The following CACNA2D3 variants were observed in gnomAD, a reference collection of about 807,000 sequenced individuals.
CACNA2D3 encodes the protein voltage-dependent calcium channel subunit alpha-2/delta-3.
A neutral mutation model predicts 160.6 loss-of-function variants in CACNA2D3; 60 were observed. The observed-to-expected ratio is 0.37, with a 90% confidence interval of 0.30 to 0.46. CACNA2D3 has a LOEUF of 0.46. CACNA2D3 is among the 20% of genes least tolerant of loss of function. The pLI is 1.00. For missense variants in CACNA2D3, 1,205 were observed against 1,365.0 expected, an observed-to-expected ratio of 0.88 and a Z score of 1.85; for synonymous variants, 558 against 492.9, an observed-to-expected ratio of 1.13 and a Z score of -1.75.
intron 9 of CACNA2D3, among the ~76,000 whole-genome samples, chr3:54,601,523 T>G (rs1050039033): frequency 1.3e-5 from 2 of 152,090 alleles, no homozygotes; most frequent in Non-Finnish European, 2.9e-5. Context: ...TTTTTAAAAG[T>G]ATGATTCCTG....
chr3:55,005,113 T>C (rs1263766673), intron 32 of CACNA2D3, among the ~76,000 whole-genome samples: 1 of 151,800 alleles, frequency 6.6e-6, no homozygotes, highest in Non-Finnish European at 1.5e-5. Context: ...CTGTCTCTAC[T>C]AAAAATACAA....
chr3:54,916,186 G>A (rs1240370503), intron 27 of CACNA2D3, among the ~76,000 whole-genome samples: 1 of 152,156 alleles, frequency 6.6e-6, no homozygotes, highest in Non-Finnish European at 1.5e-5. Context: ...ACACAAGAAC[G>A]CCTTGCACTG....
chr3:54,472,798 A>G (rs1328062154), intron 4 of CACNA2D3, among the ~76,000 whole-genome samples: 1 of 152,222 alleles, frequency 6.6e-6, no homozygotes, highest in Non-Finnish European at 1.5e-5. Context: ...TGCTACAAAG[A>G]GAATAAAACA....
At chr3:54,857,329 C>T (rs1699194359) in intron 17 of CACNA2D3, among the ~76,000 whole-genome samples, 1 of 149,628 alleles carries the variant, frequency 6.7e-6, no homozygotes, top group Non-Finnish European at 1.5e-5. Flanking sequence ...CTCCACTCTG[C>T]TCTGACCATT....
intron 8 of CACNA2D3, among the ~76,000 whole-genome samples, chr3:54,571,595 C>T (rs1702497639): frequency 6.7e-6 from 1 of 148,882 alleles, no homozygotes; most frequent in South Asian, 2.1e-4. Context: ...TTCTTTGAGT[C>T]CTTGAGCACT....
chr3:54,130,257 G>A (rs1699682165), intron 2 of CACNA2D3, among the ~76,000 whole-genome samples: 1 of 152,212 alleles, frequency 6.6e-6, no homozygotes, highest in Non-Finnish European at 1.5e-5. Context: ...GCTCCATTCA[G>A]TCTAGGAGGC....
chr3:54,528,480 C>T (rs1318482077), intron 5 of CACNA2D3, among the ~76,000 whole-genome samples: 1 of 152,028 alleles, frequency 6.6e-6, no homozygotes, highest in Non-Finnish European at 1.5e-5. Flanking sequence ...GTCCTGGTTT[C>T]CTTTAGTATC....
At chr3:54,866,787 G>T (rs1204774328) in intron 17 of CACNA2D3, among the ~76,000 whole-genome samples, 3 of 152,228 alleles carry the variant, frequency 2.0e-5, no homozygotes, top group Non-Finnish European at 4.4e-5. Context: ...GGCCAGGAAG[G>T]CTCTGTGCTG....
intron 33 of CACNA2D3, among the ~76,000 whole-genome samples, chr3:55,008,332 C>G (rs190604820): frequency 6.6e-6 from 1 of 152,280 alleles, no homozygotes; most frequent in East Asian, 1.9e-4. Context: ...CTGGTTGCAT[C>G]TATGACTTAG....
intron 2 of CACNA2D3, among the ~76,000 whole-genome samples, chr3:54,285,680 C>A (rs878938121): frequency 6.6e-6 from 1 of 152,204 alleles, no homozygotes; most frequent in South Asian, 2.1e-4. Context: ...AGGCACCCCC[C>A]AGTAGGGGCA....
chr3:55,033,817 T>A lies in CACNA2D3; in HGVS notation c.2987+15500T>A, dbSNP rs1314146265. ...TATTTTATATAATATGTATTATATA[T>A]TAAATATATTTAATATATAATATAT... On this transcript the variant is annotated intron_variant, in intron 35 of 37. Transcript: ENST00000474759. Among the ~76,000 whole-genome samples, 840 of 99,938 alleles carry A rather than the reference T, an allele frequency of 8.4e-3. 62 individuals are homozygous for A. The highest frequency in any genetic ancestry group is 0.044 in the African/African-American group (804 of 18,412). 65.6% of individuals were successfully genotyped at this position (99,938 alleles called of 152,430 possible).
rs191622094 is a variant in CACNA2D3 at position 55,066,396 on chromosome 3, T to A, written c.2988-7049T>A. Reference sequence around the variant, plus strand: ...TAAGATTCTATCCTGACCAAATATTTTTCAAGCTACAGTTTTGTACCCATT... The same window carrying A: ...TAAGATTCTATCCTGACCAAATATTATTCAAGCTACAGTTTTGTACCCATT... On this transcript the variant is annotated intron_variant, in intron 35 of 37. Transcript: ENST00000474759. Among the ~76,000 whole-genome samples, 196 of 152,318 alleles carry A rather than the reference T, an allele frequency of 1.3e-3. 5 individuals carry two copies. The highest frequency in any genetic ancestry group is 0.013 in the Admixed American group (193 of 15,294).
intron 31 of CACNA2D3, among the ~76,000 whole-genome samples, chr3:54,993,957 G>T (rs1192585820): frequency 7.2e-6 from 1 of 139,708 alleles, no homozygotes; most frequent in African/African-American, 2.6e-5. Context: ...GGTTTTTGTT[G>T]TTTGTATTTC....
chr3:54,144,158 A>AT (rs1699983244), intron 2 of CACNA2D3, among the ~76,000 whole-genome samples: 1 of 152,130 alleles, frequency 6.6e-6, no homozygotes, highest in African/African-American at 2.4e-5. Flanking sequence ...GTTATTTTGC[A>AT]TTTTCTCCCA....
At chr3:54,780,004 A>G (rs530890743) in intron 13 of CACNA2D3, among the ~76,000 whole-genome samples, 16 of 152,328 alleles carry the variant, frequency 1.1e-4, no homozygotes, top group African/African-American at 3.6e-4. Context: ...GCTTGCTCTC[A>G]GTCCTACCAC....
chr3:54,142,754 G>A (rs976039015), intron 2 of CACNA2D3, among the ~76,000 whole-genome samples: 2 of 152,188 alleles, frequency 1.3e-5, no homozygotes, highest in Non-Finnish European at 2.9e-5. Flanking sequence ...AGAAGCTGAG[G>A]CATGGAATAT....
At chr3:54,856,617 G>A (rs530589795) in intron 17 of CACNA2D3, among the ~76,000 whole-genome samples, 1 of 152,214 alleles carries the variant, frequency 6.6e-6, no homozygotes, top group Non-Finnish European at 1.5e-5. Flanking sequence ...GAGAAGATGT[G>A]GGTTTTTAAA....
chr3:55,036,212 C>T (rs564858732), intron 35 of CACNA2D3, among the ~76,000 whole-genome samples: 7 of 152,012 alleles, frequency 4.6e-5, no homozygotes, highest in African/African-American at 1.7e-4. Flanking sequence ...TTTGGGAGGC[C>T]AGGGTGGGTA....
chr3:54,558,645 C>T (rs1702277070), intron 5 of CACNA2D3, among the ~76,000 whole-genome samples: 1 of 152,122 alleles, frequency 6.6e-6, no homozygotes, highest in Non-Finnish European at 1.5e-5. Context: ...GTTTAGCTCC[C>T]ACTTATAAGT....
Sources: gnomAD v4.1 joint callset for allele counts (sites outside exome capture counted in the v4.1 genomes callset) on GRCh38, gnomAD v4.1.1 for gene constraint, MANE v1.5 for transcripts, NCBI Gene and HGNC (gene_info 2026-07-23, HGNC 2026-07-21) for gene names.